The following UNC119B variants were observed in gnomAD, a reference collection of about 807,000 sequenced individuals.
UNC119B encodes the protein unc-119 lipid binding chaperone B, also known as protein unc-119 homolog B.
A neutral mutation model predicts 23.4 loss-of-function variants in UNC119B; 16 were observed. The observed-to-expected ratio is 0.68, with a 90% CI of 0.46 to 1.04. UNC119B has a LOEUF of 1.04. UNC119B is among the 50% of genes least tolerant of loss of function. The pLI is 0.00. For synonymous variants in UNC119B, 144 were observed against 145.4 expected (o/e 0.99, Z 0.07); for missense variants, 350 against 361.3 (o/e 0.97, Z 0.25).
Position 120,721,985 on chromosome 12 carries a change from T to C in UNC119B, c.*1953T>C, listed in dbSNP as rs766848997. Reference sequence around the variant, plus strand: ...AGCGTAACAACAATCCCTTCTCTCTTTGACAGAGGCCCAGGTGGGACAGTT... The same window carrying C: ...AGCGTAACAACAATCCCTTCTCTCTCTGACAGAGGCCCAGGTGGGACAGTT... On this transcript the variant is annotated 3_prime_UTR_variant, in exon 5 of 5. Coordinates refer to ENST00000344651, the MANE Select transcript of UNC119B (RefSeq NM_001080533.3). The C allele has an allele frequency of 6.6e-6, 1 of 152,664 alleles. No individual in the cohort carries two copies. Among genetic ancestry groups the C allele is most frequent in the Non-Finnish European group, 1.5e-5 (1 of 68,072 alleles). 9.5% of individuals were successfully genotyped at this position (152,664 alleles called of 1,614,324 possible). A position where few individuals can be genotyped will look rare whatever the true frequency, so the allele number is the denominator to read the frequency against.
chr12:120,713,239 A>G (rs557876414), intron 1 of UNC119B, 35 bp from the exon 2 acceptor site: 8 of 1,486,792 alleles, frequency 5.4e-6, no homozygotes, highest in Non-Finnish European at 7.4e-6. Context: ...TTGGAGGATT[A>G]TTTAACAGTG....
chr12:120,716,541 T>C, intron 2 of UNC119B, 87 bp from the exon 3 acceptor site: 1 of 1,364,128 alleles, frequency 7.3e-7, no homozygotes, highest in Non-Finnish European at 1.0e-6. Context: ...CTGGGATTGG[T>C]TGCCATTGTG....
chr12:120,717,964 T>C (rs1882816312), intron 4 of UNC119B, among the ~76,000 whole-genome samples: 1 of 151,482 alleles, frequency 6.6e-6, no homozygotes, highest in Non-Finnish European at 1.5e-5. Flanking sequence ...CTCTGCCTCC[T>C]GGGTTCATGC....
chr12:120,716,946 C>G lies in UNC119B; in HGVS notation c.547C>G (p.Leu183Val). The stretch of plus-strand genomic sequence containing the variant: ...ACGGCACTATTTCCGGGAACACTTG[C>G]TGAAAAACTTTGACTTTGATTTTGG... ...IERHYFREHL[L>V]KNFDFDFGFC... The change falls in exon 4 of 5, where the codon CTG (leucine) becomes GTG (valine). Residue 183 changes from leucine to valine, a missense_variant. Coordinates refer to ENST00000344651, the MANE Select transcript of UNC119B (RefSeq NM_001080533.3). 6.2e-7 allele frequency: 1 copy of G among 1,613,906 alleles called. No homozygotes were observed. Among genetic ancestry groups the G allele is most frequent in the Non-Finnish European group, 8.5e-7 (1 of 1,179,890 alleles).
chr12:120,713,708 G>C (rs7972583), intron 2 of UNC119B, among the ~76,000 whole-genome samples: 20,579 of 152,208 alleles, frequency 0.14, 2,890 homozygotes, highest in African/African-American at 0.36. Flanking sequence ...TTCCCAGGCG[G>C]CTCTTTCCTA....
Position 120,717,013 on chromosome 12 carries a change from A to G in UNC119B, c.614A>G (p.Tyr205Cys), listed in dbSNP as rs749898426. 9.3e-6 allele frequency: 15 copies of G among 1,606,370 alleles called. No individual in the cohort carries two copies. The highest frequency in any genetic ancestry group is 5.1e-5 in the Admixed American group (3 of 59,058). ...AGTAGGAACACTTGTGAACATATCTATGAGTTTCCCCAGCTTTCGGAGGAT... is the reference window on the plus strand; with the variant it reads ...AGTAGGAACACTTGTGAACATATCTGTGAGTTTCCCCAGCTTTCGGAGGAT... ...PSSRNTCEHI[Y>C]EFPQLSEDVI... The change falls in exon 4 of 5, where the codon TAT (tyrosine) becomes TGT (cysteine). Residue 205 changes from tyrosine to cysteine, a missense_variant. Tyr to Cys is a radical substitution (Grantham distance 194, BLOSUM62 -2). Transcript: ENST00000344651.
intron 4 of UNC119B, among the ~76,000 whole-genome samples, chr12:120,718,136 G>A (rs1285701998): frequency 1.3e-5 from 2 of 152,182 alleles, no homozygotes; most frequent in African/African-American, 4.8e-5. Context: ...CCAAAGTGCT[G>A]GAATTACAGG....
Position 120,720,400 on chromosome 12 carries a change from A to T in UNC119B, c.*368A>T, listed in dbSNP as rs556688340. ...TGAGAAGGCTCTGGCCAGGCCCACC[A>T]GCAGGTCAGCAGCTCTTAAGGTTCC... On this transcript the variant is annotated 3_prime_UTR_variant, in exon 5 of 5. Transcript: ENST00000344651. 3.3e-5 allele frequency: 6 copies of T among 182,756 alleles called. No individual in the cohort carries two copies. Among genetic ancestry groups the T allele is most frequent in the Non-Finnish European group, 5.7e-5 (5 of 88,006 alleles). The allele number at this position is 182,756 out of a possible 1,614,324, so 11.3% of individuals were successfully genotyped here.
intron 4 of UNC119B, among the ~76,000 whole-genome samples, 175 bp downstream of exon 4, chr12:120,717,217 A>T (rs1882800468): frequency 6.6e-6 from 1 of 152,010 alleles, no homozygotes; most frequent in Non-Finnish European, 1.5e-5. Context: ...TCCTGTTCTA[A>T]ACTCTGACTC....
At chr12:120,714,888 T>C (rs1288601097) in intron 2 of UNC119B, among the ~76,000 whole-genome samples, 1 of 152,130 alleles carries the variant, frequency 6.6e-6, no homozygotes, top group Non-Finnish European at 1.5e-5. Flanking sequence ...GATTCACTTG[T>C]AATATTCCCC....
Position 120,716,910 on chromosome 12 carries a change from C to T in UNC119B, c.511C>T (p.Arg171Trp), listed in dbSNP as rs753313005. Residue 171 changes from arginine (R) to tryptophan (W), a missense_variant, in exon 4 of 5, where the codon CGG becomes TGG. Coordinates refer to ENST00000344651, the MANE Select transcript of UNC119B (RefSeq NM_001080533.3). ...GGGAGACAAACCTGTTTCAAACTTC[C>T]GGATGATCGAACGGCACTATTTCCG... ...TVGDKPVSNF[R>W]MIERHYFREH... 5.6e-6 allele frequency: 9 copies of T among 1,613,180 alleles called. No homozygotes were observed. The highest frequency in any genetic ancestry group is 4.5e-5 in the East Asian group (2 of 44,892).
intron 1 of UNC119B, 94 bp from the exon 2 acceptor site, chr12:120,713,180 A>G: frequency 9.5e-7 from 1 of 1,055,954 alleles, no homozygotes; most frequent in Non-Finnish European, 1.4e-6. Context: ...GTTGTGTAAG[A>G]AAAAATCTGA....
chr12:120,713,462 A>G (rs536753731), intron 2 of UNC119B, 75 bp downstream of exon 2: 2 of 1,120,562 alleles, frequency 1.8e-6, no homozygotes, highest in Admixed American at 1.9e-5. Flanking sequence ...TTTGTGTGCC[A>G]CTGCATCCTG....
chr12:120,713,432 A>G, intron 2 of UNC119B, 45 bp downstream of exon 2: 1 of 1,451,856 alleles, frequency 6.9e-7, no homozygotes, highest in Non-Finnish European at 9.6e-7. Context: ...TTTGAGCCAA[A>G]GGTCTTTGAA....
Position 120,716,850 on chromosome 12 carries a change from T to C in UNC119B, c.471-20T>C. On this transcript the variant is annotated intron_variant, in intron 3 of 4. Coordinates refer to ENST00000344651, the MANE Select transcript of UNC119B (RefSeq NM_001080533.3). ...AGGAGGGAGGAGGCAAAGTCGGGCT[T>C]ACAGAGATTTATTTTCCAGGGTGGA... The C allele has an allele frequency of 6.2e-7, 1 of 1,607,264 alleles. No homozygotes were observed. Among genetic ancestry groups the C allele is most frequent in the Non-Finnish European group, 8.5e-7 (1 of 1,174,504 alleles).
At chr12:120,714,544 C>T (rs1005703004) in intron 2 of UNC119B, among the ~76,000 whole-genome samples, 4 of 152,228 alleles carry the variant, frequency 2.6e-5, no homozygotes, top group South Asian at 2.1e-4. Context: ...TGGTGTCAGA[C>T]GCCTGACCTT....
chr12:120,722,648 G>A lies in UNC119B; in HGVS notation c.*2616G>A, dbSNP rs1167876172. 1 of 152,256 alleles carries A rather than the reference G, an allele frequency of 6.6e-6. No homozygotes were observed. The highest frequency in any genetic ancestry group is 1.5e-5 in the Non-Finnish European group (1 of 68,052). 9.4% of individuals were successfully genotyped at this position (152,256 alleles called of 1,614,324 possible). A position where few individuals can be genotyped will look rare whatever the true frequency, so the allele number is the denominator to read the frequency against. On this transcript the variant is annotated 3_prime_UTR_variant, in exon 5 of 5. Transcript: ENST00000344651. ...AGTAGCAGGCCCACCTGGTGCCAGAGGGCCTGCCCCTCCTGCTTCTGTTCC... is the reference window on the plus strand; with the variant it reads ...AGTAGCAGGCCCACCTGGTGCCAGAAGGCCTGCCCCTCCTGCTTCTGTTCC...
At chr12:120,716,790 A>G (rs780661222) in intron 3 of UNC119B, 51 bp downstream of exon 3, 3 of 1,606,328 alleles carry the variant, frequency 1.9e-6, no homozygotes, top group East Asian at 4.5e-5. Context: ...TTCACAGAGA[A>G]GAGTGTTTTC....
At chr12:120,719,097 T>C (rs1882838727) in intron 4 of UNC119B, among the ~76,000 whole-genome samples, 1 of 152,214 alleles carries the variant, frequency 6.6e-6, no homozygotes, top group African/African-American at 2.4e-5. Context: ...CAGTTTCACT[T>C]TTTGAGAACT....
Sources: allele counts gnomAD v4.1 joint callset (sites outside exome capture counted in the v4.1 genomes callset), GRCh38; gene constraint gnomAD v4.1.1; transcripts MANE v1.5; gene names NCBI Gene and HGNC (gene_info 2026-07-23, HGNC 2026-07-21).